The following PTPRD variants were observed in gnomAD, a reference collection of about 807,000 sequenced individuals.
PTPRD encodes the protein protein tyrosine phosphatase receptor type D, also known as receptor-type tyrosine-protein phosphatase delta.
Under a neutral mutation model 214.5 loss-of-function variants are expected in PTPRD, and 34 were observed. The ratio of observed to expected loss-of-function variants is 0.16; its 90% confidence interval spans 0.12 to 0.21. The LOEUF is 0.21. Among genes scored for constraint, PTPRD ranks in the 10% least tolerant of loss-of-function variants. PTPRD has a pLI of 1.00. For missense variants in PTPRD, 2,545 were observed against 2,398.7 expected, an observed-to-expected ratio of 1.06 and a Z score of -1.27; for synonymous variants, 1,128 against 845.7, an observed-to-expected ratio of 1.33 and a Z score of -5.79.
rs375042170 is a variant in PTPRD at position 9,159,977 on chromosome 9, G to C, written c.-143+23327C>G. On this transcript the variant is annotated intron_variant, in intron 10 of 45. Coordinates refer to ENST00000381196, the MANE Select transcript of PTPRD (RefSeq NM_002839.4). ...GAAGGGATAGCCTTTTCCATCAGTG[G>C]TGTTGGAAAACTGGTTATCCACATG... 2.6e-5 allele frequency among the ~76,000 whole-genome samples: 4 copies of C among 152,124 alleles called. No homozygotes were observed. The East Asian group carries it at 5.8e-4, about 22-fold the overall frequency.
intron 12 of PTPRD, among the ~76,000 whole-genome samples, chr9:8,637,590 C>T (rs1811938341): frequency 1.3e-5 from 2 of 152,212 alleles, no homozygotes; most frequent in Admixed American, 1.3e-4. Flanking sequence ...ATGTTCCTAA[C>T]ATTCTTCCTC....
At chr9:9,150,106 G>T (rs182266345) in intron 10 of PTPRD, among the ~76,000 whole-genome samples, 77 of 152,244 alleles carry the variant, frequency 5.1e-4, no homozygotes, top group African/African-American at 1.7e-3. Flanking sequence ...CCAGAAAGCT[G>T]CCTTGTTTTT....
At chr9:8,524,878 C>A (rs2097981806) in intron 18 of PTPRD, 47 bp downstream of exon 18, 1 of 1,530,300 alleles carries the variant, frequency 6.5e-7, no homozygotes, top group Non-Finnish European at 9.1e-7. Context: ...TCTCAACTCC[C>A]CCTGAGCCTG....
At chr9:10,350,857 A>T (rs570889037) in intron 2 of PTPRD, among the ~76,000 whole-genome samples, 74 of 152,294 alleles carry the variant, frequency 4.9e-4, no homozygotes, top group Admixed American at 8.5e-4. Flanking sequence ...GAACAAAGAG[A>T]CAGGTGTTTG....
At chr9:9,346,109 T>C (rs2048702017) in intron 9 of PTPRD, among the ~76,000 whole-genome samples, 2 of 152,246 alleles carry the variant, frequency 1.3e-5, no homozygotes, top group Admixed American at 1.3e-4. Context: ...CCCCAGAGCA[T>C]AAATAGAAGA....
intron 5 of PTPRD, among the ~76,000 whole-genome samples, chr9:9,931,417 G>A (rs1034834141): frequency 1.4e-4 from 22 of 152,234 alleles, no homozygotes; most frequent in Non-Finnish European, 2.5e-4. Context: ...CACTCCAGAA[G>A]TGCAAGGTGT....
At chr9:9,473,047 C>T (rs2094740017) in intron 8 of PTPRD, among the ~76,000 whole-genome samples, 1 of 152,094 alleles carries the variant, frequency 6.6e-6, no homozygotes, top group Non-Finnish European at 1.5e-5. Context: ...TACATTACTA[C>T]AGAACATTAA....
chr9:10,115,387 A>G (rs140676393), intron 3 of PTPRD, among the ~76,000 whole-genome samples: 248 of 152,218 alleles, frequency 1.6e-3, no homozygotes, highest in Middle Eastern at 6.8e-3. Flanking sequence ...AATTGTTTCA[A>G]TGTAGTCTAT....
chr9:8,391,413 G>A (rs2089508128), intron 36 of PTPRD, among the ~76,000 whole-genome samples: 1 of 152,124 alleles, frequency 6.6e-6, no homozygotes, highest in South Asian at 2.1e-4. Flanking sequence ...TACTCAAGAA[G>A]CAGTTGGGGT....
intron 3 of PTPRD, among the ~76,000 whole-genome samples, chr9:10,205,617 G>C (rs2099469478): frequency 6.6e-6 from 1 of 151,942 alleles, no homozygotes. Flanking sequence ...ATGTTGTTCA[G>C]GCTGGTCTTG....
chr9:10,433,414 A>G (rs2098696175), intron 2 of PTPRD, among the ~76,000 whole-genome samples: 1 of 152,016 alleles, frequency 6.6e-6, no homozygotes, highest in Admixed American at 6.6e-5. Context: ...ACATAGTTCA[A>G]GGGACTCCTA....
chr9:9,241,036 T>A (rs186170720), intron 9 of PTPRD, among the ~76,000 whole-genome samples: 22 of 152,272 alleles, frequency 1.4e-4, no homozygotes, highest in African/African-American at 5.3e-4. Flanking sequence ...TGGGTGAGAA[T>A]TTTCAGAGCT....
intron 2 of PTPRD, among the ~76,000 whole-genome samples, chr9:10,399,727 T>G (rs10809086): frequency 0.87 from 131,866 of 151,874 alleles, 57,266 homozygotes; most frequent in African/African-American, 0.9. Context: ...TATTTAGGCA[T>G]ATGATATGTG....
At chr9:10,129,300 C>T (rs867391777) in intron 3 of PTPRD, among the ~76,000 whole-genome samples, 9 of 152,046 alleles carry the variant, frequency 5.9e-5, no homozygotes, top group Non-Finnish European at 1.3e-4. Context: ...TTTTCAAGAG[C>T]ACTTTGAGAA....
chr9:9,957,403 A>G (rs1230311790), intron 4 of PTPRD, among the ~76,000 whole-genome samples: 1 of 152,194 alleles, frequency 6.6e-6, no homozygotes. Context: ...ACTTAAAATT[A>G]TTAATGTTTC....
chr9:8,713,641 C>G, intron 12 of PTPRD: 1 of 1,528,592 alleles, frequency 6.5e-7, no homozygotes, highest in Non-Finnish European at 9.0e-7. Flanking sequence ...CCAGTGCTAC[C>G]GAGACATGGG....
At chr9:9,267,400 A>T (rs80187564) in intron 9 of PTPRD, among the ~76,000 whole-genome samples, 2,752 of 151,408 alleles carry the variant, frequency 0.018, 83 homozygotes, top group African/African-American at 0.062. Context: ...AGGAGATTGA[A>T]TCAGTAATTA....
At chr9:9,850,359 C>A (rs770528751) in intron 5 of PTPRD, among the ~76,000 whole-genome samples, 6 of 151,916 alleles carry the variant, frequency 3.9e-5, no homozygotes, top group Non-Finnish European at 8.8e-5. Flanking sequence ...AATGTTTGTT[C>A]TTGTTATTAT....
At chr9:9,544,636 A>G (rs888045896) in intron 8 of PTPRD, among the ~76,000 whole-genome samples, 4 of 151,738 alleles carry the variant, frequency 2.6e-5, no homozygotes, top group Admixed American at 6.6e-5. Context: ...TTTAATATCT[A>G]CATGCACTTT....
Sources: allele counts gnomAD v4.1 joint callset (sites outside exome capture counted in the v4.1 genomes callset), GRCh38; gene constraint gnomAD v4.1.1; transcripts MANE v1.5; gene names NCBI Gene and HGNC (gene_info 2026-07-23, HGNC 2026-07-21).